POLG: variants seen among roughly 807,000 people sequenced by gnomAD.
POLG encodes DNA polymerase gamma, catalytic subunit.
POLG carries 110 observed loss-of-function variants against 155.4 expected under a neutral mutation model. That is an observed-to-expected ratio of 0.71 (90% CI 0.61 to 0.83). The LOEUF is 0.83. Among genes scored for constraint, POLG ranks in the 40% least tolerant of loss-of-function variants. POLG has a pLI of 0.00. For synonymous variants in POLG, 701 were observed against 631.5 expected (o/e 1.11, Z -1.65); for missense variants, 1,685 against 1,627.5 (o/e 1.04, Z -0.61).
chr15:89,327,147 C>G lies in POLG; in HGVS notation c.1433+20G>C. ...CTGCCAGTCCCCTGCCTAGATCCTG[C>G]CCACCCAAGGCCTGGCTACCTCTCT... is the stretch of plus-strand genomic sequence containing the variant. On this transcript the variant is annotated intron_variant, in intron 7 of 22. Transcript: ENST00000268124. The G allele has an allele frequency of 6.2e-7, 1 of 1,614,202 alleles. No homozygotes were observed. The highest frequency in any genetic ancestry group is 8.5e-7 in the Non-Finnish European group (1 of 1,180,022).
In POLG at chr15:89,333,693, G is replaced by C. The variant is rs796052893; in HGVS notation, c.62C>G (p.Ala21Gly). The C allele has an allele frequency of 6.5e-7, 1 of 1,541,896 alleles. No individual in the cohort carries two copies. Among genetic ancestry groups the C allele is most frequent in the Non-Finnish European group, 8.7e-7 (1 of 1,149,604 alleles). ...GGAGCTGGAGACCCAGCGCCCCGGAGCTGGAACCGGCCCTGGCCCGACGGT... is the reference window on the plus strand; with the variant it reads ...GGAGCTGGAGACCCAGCGCCCCGGACCTGGAACCGGCCCTGGCCCGACGGT... ...GATVGPGPVP[A>G]PGRWVSSSVP... Residue 21 changes from alanine (A) to glycine (G), a missense_variant, in exon 2 of 23, where the codon GCT (alanine) becomes GGT (glycine). Around this residue, in one of 3 missense-constraint regions of POLG, gnomAD observed 1,210 missense variants for 1,167.1 expected, o/e 1.04. Transcript: ENST00000268124.
chr15:89,320,745 G>A (rs768920828), intron 18 of POLG, 21 bp downstream of exon 18: 1 of 1,611,696 alleles, frequency 6.2e-7, no homozygotes, highest in Non-Finnish European at 8.5e-7. Flanking sequence ...GTGTTAAAGT[G>A]GATGGGAGAG....
At position 89,328,996 on chromosome 15, in the gene POLG, G is replaced by C; in HGVS notation, c.970C>G (p.Pro324Ala). ...AAKQGKHKVQ[P>A]PTKQGQKSQR... Reference sequence around the variant, plus strand: ...GACTTCTGGCCTTGCTTTGTGGGGGGCTGGACCTTGTGTTTGCCCTGCTTG... The same window carrying C: ...GACTTCTGGCCTTGCTTTGTGGGGGCCTGGACCTTGTGTTTGCCCTGCTTG... Residue 324 changes from proline (P) to alanine (A), a missense_variant, in exon 4 of 23, where the codon CCC becomes GCC. This residue lies in a region of POLG where 1,210 missense variants were observed against 1,167.1 expected (regional missense o/e 1.04). Coordinates refer to ENST00000268124, the MANE Select transcript of POLG (RefSeq NM_002693.3). 1 of 1,613,640 alleles carries C rather than the reference G, an allele frequency of 6.2e-7. No homozygotes were observed. The highest frequency in any genetic ancestry group is 8.5e-7 in the Non-Finnish European group (1 of 1,180,036).
chr15:89,333,485 T>G lies in POLG; in HGVS notation c.270A>C (p.Gln90His), dbSNP rs758215317. ...CGGCCTCGCCAGGCATCTCCCCTCCTTGCCCGAAGATTTGCTCGTGCAGCC... is the reference window on the plus strand; with the variant it reads ...CGGCCTCGCCAGGCATCTCCCCTCCGTGCCCGAAGATTTGCTCGTGCAGCC... ...SRGLHEQIFG[Q>H]GGEMPGEAAV... Residue 90 changes from glutamine to histidine, a missense_variant, in exon 2 of 23, where the codon CAA becomes CAC. Around this residue, in one of 3 missense-constraint regions of POLG, gnomAD observed 1,210 missense variants for 1,167.1 expected, o/e 1.04. Transcript: ENST00000268124. 6 of 1,612,482 alleles carry G rather than the reference T, an allele frequency of 3.7e-6. No homozygotes were observed. The highest frequency in any genetic ancestry group is 5.1e-6 in the Non-Finnish European group (6 of 1,179,690).
In POLG at chr15:89,325,095, AGTG is replaced by A. The variant is rs1567189263; in HGVS notation, c.1949+352_1949+354del. Among the ~76,000 whole-genome samples the A allele has an allele frequency of 4.1e-4, 35 of 86,130 alleles. 2 individuals carry two copies. Among genetic ancestry groups the A allele is most frequent in the African/African-American group, 1.2e-3 (17 of 13,712 alleles). 56.5% of individuals were successfully genotyped at this position (86,130 alleles called of 152,430 possible). A position where few individuals can be genotyped will look rare whatever the true frequency, so the allele number is the denominator to read the frequency against. Reference sequence around the variant, plus strand: ...GAGTGAGTGAGTGAGAGAGTGAGTGAGTGAGAGAGTGAGAGAGAGTGAGTGAGT... The same window carrying A: ...GAGTGAGTGAGTGAGAGAGTGAGTGAAGAGAGTGAGAGAGAGTGAGTGAGT... On this transcript the variant is annotated intron_variant, in intron 10 of 22. Coordinates refer to ENST00000268124, the MANE Select transcript of POLG (RefSeq NM_002693.3).
At position 89,333,780 on chromosome 15, in the gene POLG, G is replaced by A. The variant is rs1311102802; in HGVS notation, c.-26C>T. 2 of 1,534,740 alleles carry A rather than the reference G, an allele frequency of 1.3e-6. No homozygotes were observed. The highest frequency in any genetic ancestry group is 1.7e-6 in the Non-Finnish European group (2 of 1,146,302). On this transcript the variant is annotated 5_prime_UTR_variant, in exon 2 of 23. Transcript: ENST00000268124. The stretch of plus-strand genomic sequence containing the variant: ...GGTTGGTGCAGGGACCCCCACGCTG[G>A]GAGTCAGAACACCTGGCTTTGGGCT...
chr15:89,316,787 T>G lies in POLG; in HGVS notation c.3684A>C (p.Lys1228Asn). ...GCTGGCTTCGTTTTTCCAAGGAGCC[T>G]TTGGTGAGTTCAATTATCTGGTAAA... The part of the protein sequence containing the change: ...LDIYQIIELT[K>N]GSLEKRSQPG... Residue 1228 changes from lysine to asparagine, a missense_variant, in exon 23 of 23, where the codon AAA (lysine) becomes AAC (asparagine). This residue lies in a region of POLG where 470 missense variants were observed against 439.9 expected (regional missense o/e 1.07). Transcript: ENST00000268124. 1 of 1,613,984 alleles carries G rather than the reference T, an allele frequency of 6.2e-7. No homozygotes were observed. The highest frequency in any genetic ancestry group is 8.5e-7 in the Non-Finnish European group (1 of 1,179,864).
chr15:89,328,874 C>T (rs760115041), intron 4 of POLG, 43 bp from the exon 5 acceptor site: 40 of 1,613,826 alleles, frequency 2.5e-5, no homozygotes, highest in South Asian at 2.4e-4. Flanking sequence ...AGCCTGGCCT[C>T]GGGCCAGACG....
chr15:89,321,633 G>T, intron 16 of POLG, 103 bp downstream of exon 16: 1 of 878,616 alleles, frequency 1.1e-6, no homozygotes, highest in Non-Finnish European at 1.9e-6. Context: ...AGATCACAGG[G>T]TCCTTTTCAT....
rs2072266 is a variant in POLG at position 89,323,723 on chromosome 15, A to G, written c.2157+92T>C. On this transcript the variant is annotated intron_variant, in intron 12 of 22. Transcript: ENST00000268124. The stretch of plus-strand genomic sequence containing the variant: ...GGCATCTCCAACCCCCTTAAGACCT[A>G]GGGAACTCTGGCTGGGAAGAACTAG... 412,208 of 1,098,046 alleles carry G rather than the reference A, an allele frequency of 0.38. 80,167 individuals carry two copies. The highest frequency in any genetic ancestry group is 0.4 in the South Asian group (31,993 of 80,724). 68.0% of individuals were successfully genotyped at this position (1,098,046 alleles called of 1,614,324 possible).
At chr15:89,319,585 AC>A (rs2055364318) in intron 18 of POLG, among the ~76,000 whole-genome samples, 1 of 152,250 alleles carries the variant, frequency 6.6e-6, no homozygotes, top group East Asian at 1.9e-4. Flanking sequence ...AGCCTGGGCC[AC>A]CCCATGGTAG....
Position 89,318,588 on chromosome 15 carries a change from G to A in POLG, c.3435C>T (p.Asp1145=). Residue 1145 remains aspartate (D), a synonymous_variant, in exon 21 of 23, where the codon GAC becomes GAT. Transcript: ENST00000268124. ...DEVRYLVREE[D]RYRAALALQI... ...GCAAGGCCAGGGCAGCGCGGTAGCG[G>A]TCCTCCTCCCGCACCAGGTAGCGAA... 1 of 1,614,108 alleles carries A rather than the reference G, an allele frequency of 6.2e-7. No homozygotes were observed. Among genetic ancestry groups the A allele is most frequent in the Non-Finnish European group, 8.5e-7 (1 of 1,180,046 alleles).
At chr15:89,318,471 C>T (rs1246642637) in intron 21 of POLG, 70 bp downstream of exon 21, 7 of 1,316,042 alleles carry the variant, frequency 5.3e-6, no homozygotes, top group South Asian at 2.4e-5. Flanking sequence ...CCAGTCTGGC[C>T]CAAGGAACGC....
At chr15:89,324,273 C>A in intron 10 of POLG, 46 bp from the exon 11 acceptor site, 1 of 1,603,878 alleles carries the variant, frequency 6.2e-7, no homozygotes, top group Non-Finnish European at 8.5e-7. Context: ...TACCAGATGC[C>A]CACTCTGGGC....
chr15:89,334,140 G>A (rs961800446), intron 1 of POLG: 3 of 342,448 alleles, frequency 8.8e-6, no homozygotes, highest in African/African-American at 6.6e-5. Flanking sequence ...AGGGCAGCGA[G>A]TAAGAGAGCA....
At position 89,323,877 on chromosome 15, in the gene POLG, C is replaced by T; in HGVS notation, c.2095G>A (p.Val699Met). The change falls in exon 12 of 23, where the codon GTG (valine) becomes ATG (methionine). Residue 699 changes from valine to methionine, a missense_variant. Val to Met is a conservative substitution (Grantham distance 21, BLOSUM62 1). Around this residue, in one of 3 missense-constraint regions of POLG, gnomAD observed 1,210 missense variants for 1,167.1 expected, o/e 1.04. Transcript: ENST00000268124. ...TTCTCCATCTTGGCCTCAGCCTCCACTTCTAAGTAATCCAGTTCTTCTACC... is the reference window on the plus strand; with the variant it reads ...TTCTCCATCTTGGCCTCAGCCTCCATTTCTAAGTAATCCAGTTCTTCTACC... ...QTVEELDYLE[V>M]EAEAKMENLR... 3 of 1,614,050 alleles carry T rather than the reference C, an allele frequency of 1.9e-6. No homozygotes were observed. The highest frequency in any genetic ancestry group is 2.5e-6 in the Non-Finnish European group (3 of 1,179,864).
rs141727658 is a variant in POLG at position 89,325,143 on chromosome 15, A to T, written c.1949+307T>A. On this transcript the variant is annotated intron_variant, in intron 10 of 22. Transcript: ENST00000268124. ...GTGAGTGAGTGAGAGAGTGAGTGAG[A>T]GAGTGAGTGAGTGAGTGAGTGAGTG... 7.3e-3 allele frequency among the ~76,000 whole-genome samples: 358 copies of T among 48,920 alleles called. 8 individuals carry two copies. The highest frequency in any genetic ancestry group is 0.02 in the African/African-American group (122 of 6,144). 32.1% of individuals were successfully genotyped at this position (48,920 alleles called of 152,430 possible). A position where few individuals can be genotyped will look rare whatever the true frequency, so the allele number is the denominator to read the frequency against.
chr15:89,333,755 G>A lies in POLG; in HGVS notation c.-1C>T, dbSNP rs1011486273. Reference sequence around the variant, plus strand: ...CCTTCCTCCAGAGCAGGCGGCTCATGGTTGGTGCAGGGACCCCCACGCTGG... The same window carrying A: ...CCTTCCTCCAGAGCAGGCGGCTCATAGTTGGTGCAGGGACCCCCACGCTGG... On this transcript the variant is annotated 5_prime_UTR_variant, in exon 2 of 23. Coordinates refer to ENST00000268124, the MANE Select transcript of POLG (RefSeq NM_002693.3). 6.5e-7 allele frequency: 1 copy of A among 1,535,152 alleles called. No homozygotes were observed. The highest frequency in any genetic ancestry group is 8.7e-7 in the Non-Finnish European group (1 of 1,146,416).
Position 89,330,067 on chromosome 15 carries a change from C to T in POLG, c.855+14G>A. ...TCCCATGCCAGAACCTGCAGTTGGC[C>T]CCAGGAACCTTACCTGGATCAGGTA... On this transcript the variant is annotated intron_variant, in intron 3 of 22. Transcript: ENST00000268124. The T allele has an allele frequency of 1.2e-6, 2 of 1,610,842 alleles. No homozygotes were observed. Among genetic ancestry groups the T allele is most frequent in the African/African-American group, 1.3e-5 (1 of 74,980 alleles).
Sources: allele counts gnomAD v4.1 joint callset (sites outside exome capture counted in the v4.1 genomes callset), GRCh38; gene constraint gnomAD v4.1.1; regional missense constraint gnomAD v4.1.1; transcripts MANE v1.5; gene names NCBI Gene and HGNC (gene_info 2026-07-23, HGNC 2026-07-21).